TTC12: variants seen among roughly 807,000 people sequenced by gnomAD.
TTC12 encodes the protein tetratricopeptide repeat protein 12.
Under a neutral mutation model 90.1 loss-of-function variants are expected in TTC12, and 70 were observed. That is an observed-to-expected ratio of 0.78 (90% CI 0.64 to 0.95). The LOEUF is 0.95. Ranked by LOEUF, TTC12 falls within the 40% of genes least tolerant of loss-of-function variation. The pLI is 0.00. For synonymous variants in TTC12, 296 were observed against 311.5 expected, an observed-to-expected ratio of 0.95 and a Z score of 0.53; for missense variants, 819 against 846.1, an observed-to-expected ratio of 0.97 and a Z score of 0.40.
chr11:113,327,159 T>C (rs1434825139), intron 6 of TTC12, among the ~76,000 whole-genome samples: 2 of 152,232 alleles, frequency 1.3e-5, no homozygotes, highest in Admixed American at 6.5e-5. Flanking sequence ...TTCATCTAAA[T>C]TATATTTTCA....
chr11:113,338,835 G>A lies in TTC12; in HGVS notation c.637+1G>A, dbSNP rs1948524045. The A allele has an allele frequency of 6.2e-7, 1 of 1,613,794 alleles. No individual in the cohort carries two copies. The highest frequency in any genetic ancestry group is 8.5e-7 in the Non-Finnish European group (1 of 1,179,806). On this transcript the variant is annotated splice_donor_variant, in intron 9 of 21. Transcript: ENST00000529221. LOFTEE classifies it high-confidence loss of function. ...CCCAAGCTGCAAACCCAGGTGAAAG[G>A]TGAGCACGTTCCTGCTGAGGTCCTT...
chr11:113,339,809 A>T (rs1555145466), intron 10 of TTC12, among the ~76,000 whole-genome samples: 1 of 151,998 alleles, frequency 6.6e-6, no homozygotes, highest in Non-Finnish European at 1.5e-5. Flanking sequence ...CACACACCAC[A>T]TACCACACAC....
intron 21 of TTC12, among the ~76,000 whole-genome samples, chr11:113,372,484 G>T (rs955766427): frequency 6.6e-6 from 1 of 152,178 alleles, no homozygotes; most frequent in Admixed American, 6.5e-5. Context: ...ACGTGCATGC[G>T]TGTCTGTAGG....
chr11:113,322,767 G>A (rs1160460525), intron 2 of TTC12, among the ~76,000 whole-genome samples: 2 of 152,132 alleles, frequency 1.3e-5, no homozygotes, highest in Admixed American at 6.5e-5. Context: ...AGGTGAGATA[G>A]CAGGGCAAGG....
rs1181921292 is a variant in TTC12 at position 113,323,112 on chromosome 11, A to AG, written c.59-176_59-175insG. Among the ~76,000 whole-genome samples, 3 of 151,958 alleles carry AG rather than the reference A, an allele frequency of 2.0e-5. No homozygotes were observed. In the East Asian group the frequency reaches 5.8e-4, roughly 29 times the overall value. On this transcript the variant is annotated intron_variant, in intron 2 of 21. Transcript: ENST00000529221. ...GCAACTTTTTCTAGGCAAAAAAAAA[A>AG]AAAAAAAAACCTGTTGTTAATTTTT...
chr11:113,354,458 C>T (rs1949505306), intron 16 of TTC12, among the ~76,000 whole-genome samples: 1 of 152,158 alleles, frequency 6.6e-6, no homozygotes, highest in East Asian at 1.9e-4. Flanking sequence ...TTTATTTTCT[C>T]TCTTGCCTGA....
In TTC12 at chr11:113,359,424, T is replaced by C. The variant is rs1555153827; in HGVS notation, c.1508T>C (p.Met503Thr). ...GTTATCTACACACTCCTGGGACTCA[T>C]GATGAACCTGTGTCTTCAGGCTCCC... ...REVIYTLLGL[M>T]MNLCLQAPFV... The change falls in exon 17 of 22, where the codon ATG becomes ACG. Residue 503 changes from methionine (M) to threonine (T), a missense_variant. Met to Thr is a moderately conservative substitution (Grantham distance 81). Coordinates refer to ENST00000529221, the MANE Select transcript of TTC12 (RefSeq NM_017868.4). 2 of 1,613,638 alleles carry C rather than the reference T, an allele frequency of 1.2e-6. No individual in the cohort carries two copies. Among genetic ancestry groups the C allele is most frequent in the Non-Finnish European group, 8.5e-7 (1 of 1,179,566 alleles).
chr11:113,314,683 G>T (rs557151900), intron 1 of TTC12, 65 bp downstream of exon 1: 8 of 153,042 alleles, frequency 5.2e-5, no homozygotes, highest in Admixed American at 1.3e-4. Context: ...CTTCAGAGCC[G>T]AGCAGAGGAC....
chr11:113,356,375 T>C (rs1278588679), intron 16 of TTC12, among the ~76,000 whole-genome samples: 2 of 152,224 alleles, frequency 1.3e-5, no homozygotes, highest in African/African-American at 4.8e-5. Flanking sequence ...TACCAGTGGA[T>C]CGTGGTTCTT....
intron 20 of TTC12, chr11:113,364,624 G>A (rs1326083505): frequency 5.2e-6 from 3 of 574,720 alleles, no homozygotes; most frequent in Admixed American, 5.8e-5. Flanking sequence ...GTTCTAGGAA[G>A]CGGAGATACT....
At position 113,366,303 on chromosome 11, in the gene TTC12, G is replaced by C. The variant is rs375944016; in HGVS notation, c.*3G>C. 290 of 1,613,344 alleles carry C rather than the reference G, an allele frequency of 1.8e-4. No homozygotes were observed. The highest frequency in any genetic ancestry group is 2.1e-4 in the Non-Finnish European group (251 of 1,180,024). ...TGAAATACATCAGTGATTCTTGAGA[G>C]AGACAGGGTTTGTGTGCATTTGGGG... is the stretch of plus-strand genomic sequence containing the variant. On this transcript the variant is annotated 3_prime_UTR_variant, in exon 22 of 22. Transcript: ENST00000529221.
At chr11:113,344,725 T>A (rs1259671526) in intron 13 of TTC12, among the ~76,000 whole-genome samples, 1 of 152,180 alleles carries the variant, frequency 6.6e-6, no homozygotes, top group Non-Finnish European at 1.5e-5. Flanking sequence ...CACCTTAAAA[T>A]AGGTCACTTG....
chr11:113,361,679 C>CT (rs782602525), intron 18 of TTC12, among the ~76,000 whole-genome samples: 3 of 152,286 alleles, frequency 2.0e-5, no homozygotes, highest in African/African-American at 2.4e-5. Flanking sequence ...ACCTCTATAT[C>CT]TTTCCATACT....
chr11:113,365,820 G>C (rs991768344), intron 21 of TTC12, among the ~76,000 whole-genome samples: 14 of 152,226 alleles, frequency 9.2e-5, no homozygotes, highest in African/African-American at 3.4e-4. Context: ...TGTAGATTGA[G>C]GGGGTTGGCC....
At chr11:113,330,129 G>A in intron 7 of TTC12, 150 bp downstream of exon 7, 1 of 671,048 alleles carries the variant, frequency 1.5e-6, no homozygotes, top group Non-Finnish European at 2.7e-6. Context: ...AGAATTGTTA[G>A]GAGGGTCACG....
chr11:113,321,884 A>G (rs1436641553), intron 2 of TTC12, among the ~76,000 whole-genome samples: 3 of 152,236 alleles, frequency 2.0e-5, no homozygotes, highest in African/African-American at 7.2e-5. Flanking sequence ...GACCATGGAT[A>G]TATGTGTGAG....
At chr11:113,364,625 C>T (rs180987616) in intron 20 of TTC12, 13 of 574,894 alleles carry the variant, frequency 2.3e-5, no homozygotes, top group South Asian at 7.9e-5. Context: ...TTCTAGGAAG[C>T]GGAGATACTT....
At chr11:113,334,857 G>T in intron 7 of TTC12, 109 bp from the exon 8 acceptor site, 1 of 821,116 alleles carries the variant, frequency 1.2e-6, no homozygotes, top group Non-Finnish European at 1.9e-6. Flanking sequence ...TCTGGTAGTT[G>T]CCCTGAGAAT....
At chr11:113,345,873 T>C (rs545861118) in intron 13 of TTC12, among the ~76,000 whole-genome samples, 101 of 152,250 alleles carry the variant, frequency 6.6e-4, no homozygotes, top group African/African-American at 2.2e-3. Context: ...CAATGTGCAT[T>C]TTTCCAGTGT....
Sources: allele counts gnomAD v4.1 joint callset (sites outside exome capture counted in the v4.1 genomes callset), GRCh38; gene constraint gnomAD v4.1.1; transcripts MANE v1.5; gene names NCBI Gene and HGNC (gene_info 2026-07-23, HGNC 2026-07-21).